OPLAH: variants seen among roughly 807,000 people sequenced by gnomAD.
OPLAH encodes 5-oxoprolinase.
Under a neutral mutation model 122.8 loss-of-function variants are expected in OPLAH, and 103 were observed. The observed-to-expected ratio is 0.84, with a 90% CI of 0.71 to 0.99. The LOEUF (loss-of-function observed/expected upper bound fraction) is 0.99. Among genes scored for constraint, OPLAH ranks in the 50% least tolerant of loss-of-function variants. The probability of loss-of-function intolerance (pLI) is 0.00; values close to 1 mark genes in which losing one functional copy is unlikely to be tolerated. For synonymous variants in OPLAH, 875 were observed against 796.0 expected (o/e 1.10, Z -1.67); for missense variants, 1,902 against 1,836.5 (o/e 1.04, Z -0.65).
At position 144,058,161 on chromosome 8, in the gene OPLAH, G is replaced by A. The variant is rs1173294219; in HGVS notation, c.950-13C>T. 2.5e-6 allele frequency: 4 copies of A among 1,611,732 alleles called. No individual in the cohort carries two copies. The African/African-American group carries it at 4.0e-5, about 16-fold the overall frequency. The stretch of plus-strand genomic sequence containing the variant: ...TCCGTGGACGTGCCTGGCAGGGGTG[G>A]GGTGCTGGTGGGTCACTTGAAGACC... On this transcript the variant is annotated splice_polypyrimidine_tract_variant and intron_variant, in intron 7 of 26. Coordinates refer to ENST00000618853, the MANE Select transcript of OPLAH (RefSeq NM_017570.5).
Position 144,053,014 on chromosome 8 carries a change from A to T in OPLAH, c.2987T>A (p.Ile996Asn). Residue 996 changes from isoleucine (I) to asparagine (N), a missense_variant, in exon 21 of 27, where the codon ATC (isoleucine) becomes AAC (asparagine). By Grantham distance (149) the Ile-to-Asn change is moderately radical (BLOSUM62 -3). Around this residue, in one of 3 missense-constraint regions of OPLAH, gnomAD observed 1,726 missense variants for 1,642.1 expected, o/e 1.05. Coordinates refer to ENST00000618853, the MANE Select transcript of OPLAH (RefSeq NM_017570.5). ...CAGGCTGATCTGCACACGGAGGCGGATGGGGGAACCGTCGTCCATGTGGTC... is the reference window on the plus strand; with the variant it reads ...CAGGCTGATCTGCACACGGAGGCGGTTGGGGGAACCGTCGTCCATGTGGTC... ...SEDHMDDGSP[I>N]RLRVQISLSQ... 1 of 1,603,610 alleles carries T rather than the reference A, an allele frequency of 6.2e-7. No homozygotes were observed. The highest frequency in any genetic ancestry group is 8.5e-7 in the Non-Finnish European group (1 of 1,176,070).
Position 144,058,582 on chromosome 8 carries a change from GCCC to G in OPLAH, c.694_696del (p.Gly232del), listed in dbSNP as rs1554760066. ...AGGTAGGCGTCGGCACAGGCCGTGT[GCCC>G]CCGAGGGACGATGCGCACCATGGGC... On this transcript the variant is annotated inframe_deletion, in exon 6 of 27. Coordinates refer to ENST00000618853, the MANE Select transcript of OPLAH (RefSeq NM_017570.5). 1 of 1,602,478 alleles carries G rather than the reference GCCC, an allele frequency of 6.2e-7. No individual in the cohort carries two copies. The highest frequency in any genetic ancestry group is 1.1e-5 in the South Asian group (1 of 90,996).
intron 3 of OPLAH, 131 bp downstream of exon 3, chr8:144,059,468 C>T (rs1263046181): frequency 8.0e-6 from 8 of 997,744 alleles, no homozygotes; most frequent in East Asian, 2.6e-5. Context: ...ACTGGGAATT[C>T]GGGAGCTTCC....
chr8:144,055,710 T>C lies in OPLAH; in HGVS notation c.2248+78A>G. On this transcript the variant is annotated intron_variant, in intron 16 of 26. Coordinates refer to ENST00000618853, the MANE Select transcript of OPLAH (RefSeq NM_017570.5). The surrounding 1 kb of genome is among the most constrained non-coding windows in gnomAD (Gnocchi z 6.5). ...AGGGGGTCCTGCTTCTGCCTCTCCC[T>C]TTGGGCACAGCCCTGCCAGCTACCC... 7.1e-7 allele frequency: 1 copy of C among 1,403,638 alleles called. No homozygotes were observed. Among genetic ancestry groups the C allele is most frequent in the Non-Finnish European group, 9.3e-7 (1 of 1,075,476 alleles). 86.9% of individuals were successfully genotyped at this position (1,403,638 alleles called of 1,614,324 possible).
In OPLAH at chr8:144,060,037, G is replaced by A. The variant is rs1835631443; in HGVS notation, c.-5C>T. On this transcript the variant is annotated 5_prime_UTR_variant, in exon 2 of 27. Coordinates refer to ENST00000618853, the MANE Select transcript of OPLAH (RefSeq NM_017570.5). ...GCGGCCCTCGGGGCTGCCCATGGTG[G>A]TGGGGCTGGAGTCCCACAGGAGCTC... 1 of 1,610,502 alleles carries A rather than the reference G, an allele frequency of 6.2e-7. No homozygotes were observed.
At chr8:144,054,976 G>A in intron 17 of OPLAH, 53 bp downstream of exon 17, 1 of 1,049,520 alleles carries the variant, frequency 9.5e-7, no homozygotes. Context: ...GGGGTGGGGG[G>A]GGGGTGGAGG....
Position 144,052,314 on chromosome 8 carries a change from T to C in OPLAH, c.3316A>G (p.Asn1106Asp). ...ATGTGGGCGTTGCCCAGGGTCACGTTGTTCATGCAGCCCTGGTGAGGGCAC... is the reference window on the plus strand; with the variant it reads ...ATGTGGGCGTTGCCCAGGGTCACGTCGTTCATGCAGCCCTGGTGAGGGCAC... ...ACAASQGCMN[N>D]VTLGNAHMGY... The change falls in exon 24 of 27, where the codon AAC becomes GAC. Residue 1106 changes from asparagine (N) to aspartate (D), a missense_variant. By Grantham distance (23) the Asn-to-Asp change is conservative (BLOSUM62 1). This residue lies in a region of OPLAH where 1,726 missense variants were observed against 1,642.1 expected (regional missense o/e 1.05). Transcript: ENST00000618853. The C allele has an allele frequency of 6.5e-7, 1 of 1,526,752 alleles. No homozygotes were observed. The highest frequency in any genetic ancestry group is 2.5e-5 in the East Asian group (1 of 40,630). 94.6% of individuals were successfully genotyped at this position (1,526,752 alleles called of 1,614,324 possible).
At chr8:144,061,407 C>T (rs1554760879), upstream of OPLAH, among the ~76,000 whole-genome samples, 1 of 152,052 alleles carries the variant, frequency 6.6e-6, no homozygotes, top group Non-Finnish European at 1.5e-5. Flanking sequence ...ATCTCAGCTA[C>T]CGGGAGGCTG....
rs1835495651 is a variant in OPLAH, at chr8:144,055,725, G to A, written c.2248+63C>T. 7.0e-7 allele frequency: 1 copy of A among 1,425,968 alleles called. No homozygotes were observed. The highest frequency in any genetic ancestry group is 9.2e-7 in the Non-Finnish European group (1 of 1,085,860). 88.3% of individuals were successfully genotyped at this position (1,425,968 alleles called of 1,614,324 possible). ...TGCCTCTCCCTTTGGGCACAGCCCT[G>A]CCAGCTACCCCATGACACAGCCGGC... is the stretch of plus-strand genomic sequence containing the variant. On this transcript the variant is annotated intron_variant, in intron 16 of 26. Transcript: ENST00000618853. This position sits in a 1 kb window ranked among gnomAD's most constrained non-coding sequence, Gnocchi z 6.5.
At position 144,052,898 on chromosome 8, in the gene OPLAH, G is replaced by A; in HGVS notation, c.3021C>T (p.Gly1007=). The change falls in exon 22 of 27, where the codon GGC becomes GGT. Residue 1007 remains glycine, a splice_region_variant and synonymous_variant. Transcript: ENST00000618853. ...TGCCGCTGAAGTCAAACACGGCGCTGCCCTGCGCGCCCCGAGGGAAGGGAG... is the reference window on the plus strand; with the variant it reads ...TGCCGCTGAAGTCAAACACGGCGCTACCCTGCGCGCCCCGAGGGAAGGGAG... ...RLRVQISLSQ[G]SAVFDFSGTG... 1 of 1,557,012 alleles carries A rather than the reference G, an allele frequency of 6.4e-7. No homozygotes were observed. The highest frequency in any genetic ancestry group is 8.7e-7 in the Non-Finnish European group (1 of 1,151,058).
downstream of OPLAH, chr8:144,050,522 C>T: frequency 6.1e-6 from 6 of 985,526 alleles, no homozygotes; most frequent in Non-Finnish European, 7.2e-6. Context: ...CCACCGCGCG[C>T]CCGCCTCTCT....
chr8:144,050,916 C>A, downstream of OPLAH: 2 of 1,013,744 alleles, frequency 2.0e-6, no homozygotes, highest in Non-Finnish European at 2.4e-6. Context: ...GGGGCCCTGG[C>A]CTTGATGACA....
chr8:144,052,853 A>G lies in OPLAH; in HGVS notation c.3066T>C (p.Gly1022=). 1.3e-6 allele frequency: 2 copies of G among 1,554,830 alleles called. No individual in the cohort carries two copies. The highest frequency in any genetic ancestry group is 1.7e-6 in the Non-Finnish European group (2 of 1,149,782). The change falls in exon 22 of 27, where the codon GGT becomes GGC. Residue 1022 remains glycine, a synonymous_variant. Transcript: ENST00000618853. ...TTACGGCCCGCGGTGCGTTGAGATTACCAAACACCTCCGGCCCAGTGCCGC... is the reference window on the plus strand; with the variant it reads ...TTACGGCCCGCGGTGCGTTGAGATTGCCAAACACCTCCGGCCCAGTGCCGC... ...DFSGTGPEVF[G]NLNAPRAVTL... is the part of the protein sequence containing the mutation.
At chr8:144,058,471 C>A in intron 6 of OPLAH, 25 bp downstream of exon 6, 1 of 1,575,998 alleles carries the variant, frequency 6.3e-7, no homozygotes, top group Non-Finnish European at 8.6e-7. Context: ...CAGGAGTGGG[C>A]AGTGGGGGTG....
At position 144,058,415 on chromosome 8, in the gene OPLAH, G is replaced by A. The variant is rs905130435; in HGVS notation, c.784-11C>T. ...CAACACCTGCACATCCTGCGAGCGGGCAGCAGGCGGGCCATGAGGGGCAGG... is the reference window on the plus strand; with the variant it reads ...CAACACCTGCACATCCTGCGAGCGGACAGCAGGCGGGCCATGAGGGGCAGG... On this transcript the variant is annotated splice_polypyrimidine_tract_variant and intron_variant, in intron 6 of 26. Transcript: ENST00000618853. 10 of 1,587,412 alleles carry A rather than the reference G, an allele frequency of 6.3e-6. No homozygotes were observed. The highest frequency in any genetic ancestry group is 7.7e-6 in the Non-Finnish European group (9 of 1,171,204).
In OPLAH at chr8:144,052,029, C is replaced by A; in HGVS notation, c.3509G>T (p.Gly1170Val). ...RRFELRRGSG[G>V]RGRFRGGDGV... ...GTCGCCGCCTCGGAAGCGGCCTCTG[C>A]CCCCCGAGCCCCGCCGCAGCTCGAA... Residue 1170 changes from glycine (G) to valine (V), a missense_variant, in exon 25 of 27, where the codon GGC becomes GTC. This residue lies in a region of OPLAH where 1,726 missense variants were observed against 1,642.1 expected (regional missense o/e 1.05). Coordinates refer to ENST00000618853, the MANE Select transcript of OPLAH (RefSeq NM_017570.5). The A allele has an allele frequency of 6.3e-7, 1 of 1,589,094 alleles. No individual in the cohort carries two copies.
At chr8:144,063,152 C>T (rs1317775898), upstream of OPLAH, among the ~76,000 whole-genome samples, 3 of 152,154 alleles carry the variant, frequency 2.0e-5, no homozygotes, top group Admixed American at 6.5e-5. The surrounding 1 kb of genome is among the most constrained non-coding windows in gnomAD (Gnocchi z 4.2). Flanking sequence ...TCTCTAGTGG[C>T]GCCTCTGACT....
rs1554759128 is a variant in OPLAH at position 144,056,456 on chromosome 8, C to T, written c.1912G>A (p.Gly638Ser). 1.9e-6 allele frequency: 3 copies of T among 1,611,182 alleles called. No homozygotes were observed. Among genetic ancestry groups the T allele is most frequent in the Middle Eastern group, 1.7e-4 (1 of 6,056 alleles). The stretch of plus-strand genomic sequence containing the variant: ...AGGCGAAGACCACTGCGGCCGGTGC[C>T]CCGCACTCGCACATCGTCCACGACC... ...PVVVDDVRVRGTGRSGLRLED... is the reference protein window; with the variant it reads ...PVVVDDVRVRSTGRSGLRLED... The change falls in exon 14 of 27, where the codon GGC becomes AGC. Residue 638 changes from glycine (G) to serine (S), a missense_variant. Physicochemically the swap from Gly to Ser is moderately conservative, Grantham distance 56. Transcript: ENST00000618853.
Position 144,057,709 on chromosome 8 carries a change from GC to G in OPLAH, c.1160del (p.Gly387AlafsTer3). Reference sequence around the variant, plus strand: ...GATTAGCATCCGTCACTGTCACAGGGCCCCCTGGGAGGTGGACAGGGTGTGG... The same window carrying G: ...GATTAGCATCCGTCACTGTCACAGGGCCCCTGGGAGGTGGACAGGGTGTGG... ...HPGPACYRKG[G>X]PVTVTDANLV... On this transcript the variant is annotated frameshift_variant, in exon 10 of 27. Transcript: ENST00000618853. LOFTEE classifies it high-confidence loss of function. The G allele has an allele frequency of 6.2e-7, 1 of 1,609,032 alleles. No individual in the cohort carries two copies. The highest frequency in any genetic ancestry group is 8.5e-7 in the Non-Finnish European group (1 of 1,177,900).
Sources: allele counts gnomAD v4.1 joint callset (sites outside exome capture counted in the v4.1 genomes callset), GRCh38; gene constraint gnomAD v4.1.1; regional missense constraint gnomAD v4.1.1; non-coding constraint Gnocchi (gnomAD v3.1); transcripts MANE v1.5; gene names NCBI Gene and HGNC (gene_info 2026-07-23, HGNC 2026-07-21).